The following COPG2 variants were observed in gnomAD, a reference collection of about 807,000 sequenced individuals.
COPG2 encodes coatomer subunit gamma-2.
Under a neutral mutation model 46.3 loss-of-function variants are expected in COPG2, and 37 were observed. The ratio of observed to expected loss-of-function variants is 0.80; its 90% CI spans 0.61 to 1.05. The LOEUF is 1.05. Among genes scored for constraint, COPG2 ranks in the 50% least tolerant of loss-of-function variants. The pLI, the probability that COPG2 is intolerant of heterozygous loss-of-function variation, is 0.00. For synonymous variants in COPG2, 159 were observed against 129.7 expected (o/e 1.23, Z -1.53); for missense variants, 427 against 387.8 (o/e 1.10, Z -0.85).
chr7:130,615,082 G>A (rs1473796983), intron 6 of COPG2, among the ~76,000 whole-genome samples: 2 of 152,190 alleles, frequency 1.3e-5, no homozygotes, highest in African/African-American at 4.8e-5. Context: ...AAAAAGGATG[G>A]CTCCAAGTTG....
Position 130,662,974 on chromosome 7 carries a change from G to C in COPG2, c.236C>G (p.Ser79Cys). ...AFFAMTRLFQ[S>C]NDQTLRRMCY... ...AAATTTAAAAAGACTTACATCATTA[G>C]ATTGAAACAATCGCGTCATTGCAAA... Residue 79 changes from serine to cysteine, a missense_variant, in exon 4 of 24, where the codon TCT (serine) becomes TGT (cysteine). Physicochemically the swap from Ser to Cys is moderately radical, Grantham distance 112. Coordinates refer to ENST00000425248, the MANE Select transcript of COPG2 (RefSeq NM_012133.6). 2 of 1,542,568 alleles carry C rather than the reference G, an allele frequency of 1.3e-6. No individual in the cohort carries two copies. Among genetic ancestry groups the C allele is most frequent in the Non-Finnish European group, 1.8e-6 (2 of 1,141,840 alleles).
intron 20 of COPG2, among the ~76,000 whole-genome samples, chr7:130,527,506 G>A (rs1052687045): frequency 2.0e-5 from 3 of 151,768 alleles, no homozygotes; most frequent in Non-Finnish European, 4.4e-5. Flanking sequence ...TGGACCCCCA[G>A]GCAGGCCTAT....
chr7:130,583,492 A>AT (rs1794197960), intron 9 of COPG2, among the ~76,000 whole-genome samples: 2 of 98,402 alleles, frequency 2.0e-5, no homozygotes, highest in African/African-American at 6.4e-5. Flanking sequence ...AACATAAAGT[A>AT]TAAAAAAAAA....
chr7:130,613,297 G>A (rs1365943487), intron 7 of COPG2, among the ~76,000 whole-genome samples: 2 of 152,194 alleles, frequency 1.3e-5, no homozygotes, highest in East Asian at 3.8e-4. Context: ...AGCTCAGGCA[G>A]CAATGCTCGC....
intron 4 of COPG2, among the ~76,000 whole-genome samples, chr7:130,658,530 C>T (rs1481811736): frequency 2.6e-5 from 4 of 151,778 alleles, no homozygotes; most frequent in Non-Finnish European, 4.4e-5. Context: ...TGAATTTTAC[C>T]GCATGTAAAA....
At chr7:130,507,546 G>GAAGACAGGGTGCTGGCCTTTTAAGTA in intron 22 of COPG2, 139 bp downstream of exon 22, 1 of 658,040 alleles carries the variant, frequency 1.5e-6, no homozygotes, top group South Asian at 1.8e-5. Flanking sequence ...ATTAGATGAT[G>GAAGACAGGGTGCTGGCCTTTTAAGTA]AAGACAGGGT....
intron 9 of COPG2, among the ~76,000 whole-genome samples, chr7:130,591,749 G>A (rs1242468097): frequency 1.4e-5 from 2 of 144,208 alleles, no homozygotes; most frequent in Admixed American, 6.8e-5. Flanking sequence ...CCCCCCGCCC[G>A]GCCAGCCACC....
At chr7:130,597,201 G>A (rs1490657831) in intron 9 of COPG2, among the ~76,000 whole-genome samples, 2 of 152,166 alleles carry the variant, frequency 1.3e-5, no homozygotes, top group Non-Finnish European at 2.9e-5. Context: ...TACAGAAGGA[G>A]CAGAGCCCTG....
At chr7:130,647,251 G>A (rs1795630534) in intron 5 of COPG2, among the ~76,000 whole-genome samples, 1 of 151,964 alleles carries the variant, frequency 6.6e-6, no homozygotes. Flanking sequence ...GGCCAGGCTG[G>A]TCTCAAACTC....
At chr7:130,639,055 G>A (rs147000464) in intron 5 of COPG2, among the ~76,000 whole-genome samples, 1 of 152,262 alleles carries the variant, frequency 6.6e-6, no homozygotes, top group East Asian at 1.9e-4. Flanking sequence ...TCCAGGGGCT[G>A]CACCCACTGT....
intron 9 of COPG2, among the ~76,000 whole-genome samples, chr7:130,571,620 T>G (rs1793901387): frequency 1.3e-5 from 2 of 152,128 alleles, no homozygotes; most frequent in Non-Finnish European, 2.9e-5. Context: ...GGACAACCAC[T>G]ATGGAAAACA....
At chr7:130,635,730 T>C (rs1431433658) in intron 5 of COPG2, among the ~76,000 whole-genome samples, 4 of 152,184 alleles carry the variant, frequency 2.6e-5, no homozygotes, top group Admixed American at 1.3e-4. Flanking sequence ...CTTAGTTATT[T>C]CTTGTCTTCT....
intron 20 of COPG2, among the ~76,000 whole-genome samples, chr7:130,519,680 A>T (rs1011674721): frequency 2.6e-5 from 4 of 152,334 alleles, no homozygotes; most frequent in Non-Finnish European, 5.9e-5. Context: ...TTGACAGGAA[A>T]AATGGCTGTT....
chr7:130,531,343 G>T (rs947316539), intron 20 of COPG2, among the ~76,000 whole-genome samples: 1 of 152,118 alleles, frequency 6.6e-6, no homozygotes, highest in Non-Finnish European at 1.5e-5. Context: ...GTAGCCTCAC[G>T]TAGGGTGCAA....
intron 20 of COPG2, chr7:130,509,279 C>A: frequency 1.9e-6 from 1 of 514,554 alleles, no homozygotes. Context: ...TGTTTTCACA[C>A]AAGTGGTGTT....
At chr7:130,512,740 G>A (rs782546066) in intron 20 of COPG2, among the ~76,000 whole-genome samples, 2 of 151,882 alleles carry the variant, frequency 1.3e-5, no homozygotes, top group Admixed American at 6.6e-5. Context: ...GTGAGTTTCC[G>A]TCTCAAAAAA....
rs782708063 is a variant in COPG2, at chr7:130,613,582, C to A, written c.454G>T (p.Val152Phe). The A allele has an allele frequency of 1.1e-5, 17 of 1,602,062 alleles. No individual in the cohort carries two copies. The highest frequency in any genetic ancestry group is 1.4e-5 in the Non-Finnish European group (16 of 1,173,594). ...RYMKQAIVDK[V>F]SSVSSSALVS... ...AGTGCTGAACTGGATACACTGGAAACTTTATCCACAATGGCCTGCTTCATG... is the reference window on the plus strand; with the variant it reads ...AGTGCTGAACTGGATACACTGGAAAATTTATCCACAATGGCCTGCTTCATG... Residue 152 changes from valine to phenylalanine, a missense_variant, in exon 7 of 24, where the codon GTT becomes TTT. Val to Phe is a conservative substitution (Grantham distance 50, BLOSUM62 -1). Coordinates refer to ENST00000425248, the MANE Select transcript of COPG2 (RefSeq NM_012133.6).
intron 11 of COPG2, 119 bp downstream of exon 11, chr7:130,563,150 G>A: frequency 2.6e-6 from 1 of 384,230 alleles, no homozygotes; most frequent in Non-Finnish European, 4.6e-6. Flanking sequence ...GTGAAGTGTT[G>A]TAGAGGTGAA....
intron 9 of COPG2, among the ~76,000 whole-genome samples, chr7:130,570,096 A>G (rs1412813688): frequency 6.6e-6 from 1 of 152,216 alleles, no homozygotes; most frequent in African/African-American, 2.4e-5. Flanking sequence ...CACAGTTGGC[A>G]TTATACTGAA....
Sources: allele counts gnomAD v4.1 joint callset (sites outside exome capture counted in the v4.1 genomes callset), GRCh38; gene constraint gnomAD v4.1.1; transcripts MANE v1.5; gene names NCBI Gene and HGNC (gene_info 2026-07-23, HGNC 2026-07-21).